The following SEC14L2 variants were observed in gnomAD, a reference collection of about 807,000 sequenced individuals.
SEC14L2 encodes the protein SEC14-like protein 2.
Under a neutral mutation model 56.9 loss-of-function variants are expected in SEC14L2, and 50 were observed. That is an observed-to-expected ratio of 0.88 (90% CI 0.70 to 1.11). The LOEUF is 1.11. SEC14L2 is among the 50% of genes most tolerant of loss of function. The probability of loss-of-function intolerance (pLI) is 0.00; values close to 1 mark genes in which losing one functional copy is unlikely to be tolerated. For synonymous variants in SEC14L2, 179 were observed against 188.5 expected, an observed-to-expected ratio of 0.95 and a Z score of 0.41; for missense variants, 414 against 500.7, an observed-to-expected ratio of 0.83 and a Z score of 1.65.
intron 11 of SEC14L2, among the ~76,000 whole-genome samples, chr22:30,418,448 C>G (rs1934439869): frequency 6.6e-6 from 1 of 152,182 alleles, no homozygotes; most frequent in African/African-American, 2.4e-5. Context: ...AAACCATTTT[C>G]CAGCATCTGC....
intron 4 of SEC14L2, 117 bp downstream of exon 4, chr22:30,407,271 C>CCATT: frequency 7.0e-7 from 1 of 1,435,686 alleles, no homozygotes; most frequent in African/African-American, 1.4e-5. Context: ...CCCACTGAGC[C>CCATT]CTGATGGTCT....
Position 30,407,476 on chromosome 22 carries a change from G to C in SEC14L2, c.296G>C (p.Trp99Ser). The C allele has an allele frequency of 1.2e-6, 2 of 1,614,140 alleles. No individual in the cohort carries two copies. Among genetic ancestry groups the C allele is most frequent in the Non-Finnish European group, 1.7e-6 (2 of 1,180,024 alleles). The part of the protein sequence containing the change: ...CGYDLDGCPV[W>S]YDIIGPLDAK... ...TATGACCTGGATGGCTGCCCAGTCT[G>C]GTACGACATAATTGGACCTCTGGAT... The change falls in exon 5 of 12, where the codon TGG becomes TCG. Residue 99 changes from tryptophan to serine, a missense_variant. Transcript: ENST00000615189.
intron 1 of SEC14L2, 111 bp downstream of exon 1, chr22:30,397,281 G>A (rs887098): frequency 0.28 from 284,410 of 1,028,006 alleles, 39,993 homozygotes; most frequent in Middle Eastern, 0.33. Context: ...GGCGGGCGGC[G>A]GAGGGAACAG....
In SEC14L2 at chr22:30,399,512, T is replaced by G; in HGVS notation, c.55-131T>G. On this transcript the variant is annotated intron_variant, in intron 1 of 11. Coordinates refer to ENST00000615189, the MANE Select transcript of SEC14L2 (RefSeq NM_012429.5). Reference sequence around the variant, plus strand: ...CTGGGCGAGAGTGCGAGACTCTATCTCAAAAAAAAAAAAAAAAAAAAAAAA... The same window carrying G: ...CTGGGCGAGAGTGCGAGACTCTATCGCAAAAAAAAAAAAAAAAAAAAAAAA... 8 of 347,386 alleles carry G rather than the reference T, an allele frequency of 2.3e-5. No homozygotes were observed. In the South Asian group the frequency reaches 2.3e-4, roughly 10 times the overall value. The allele number at this position is 347,386 out of a possible 1,614,324, so 21.5% of individuals were successfully genotyped here. A position where few individuals can be genotyped will look rare whatever the true frequency, so the allele number is the denominator to read the frequency against.
chr22:30,398,635 G>A (rs1933827441), intron 1 of SEC14L2: 3 of 460,962 alleles, frequency 6.5e-6, no homozygotes, highest in African/African-American at 2.0e-5. Flanking sequence ...CTCCACCTGA[G>A]TTGCCCACCT....
In SEC14L2 at chr22:30,416,027, T is replaced by C; in HGVS notation, c.851T>C (p.Ile284Thr). 1 of 1,614,226 alleles carries C rather than the reference T, an allele frequency of 6.2e-7. No individual in the cohort carries two copies. The highest frequency in any genetic ancestry group is 8.5e-7 in the Non-Finnish European group (1 of 1,180,038). ...VKQQYEHSVQ[I>T]SRGSSHQVEY... ...CAGCAGTATGAACACAGCGTGCAGA[T>C]TTCCCGTGGCTCCTCCCACCAAGTG... The change falls in exon 10 of 12, where the codon ATT becomes ACT. Residue 284 changes from isoleucine (I) to threonine (T), a missense_variant. Transcript: ENST00000615189.
intron 7 of SEC14L2, 29 bp downstream of exon 7, chr22:30,409,515 C>T (rs1287039141): frequency 3.1e-6 from 5 of 1,605,836 alleles, no homozygotes; most frequent in Admixed American, 1.7e-5. Flanking sequence ...GTGATAAAGC[C>T]AGATGGAAAA....
intron 2 of SEC14L2, among the ~76,000 whole-genome samples, chr22:30,403,136 A>T (rs1435331430): frequency 6.6e-6 from 1 of 152,148 alleles, no homozygotes; most frequent in African/African-American, 2.4e-5. Flanking sequence ...TCTCTCCTTC[A>T]ATCTGACAAA....
intron 1 of SEC14L2, 112 bp downstream of exon 1, chr22:30,397,282 G>A (rs2145997781): frequency 2.1e-6 from 2 of 970,616 alleles, no homozygotes; most frequent in Admixed American, 6.7e-5. Flanking sequence ...GCGGGCGGCG[G>A]AGGGAACAGA....
Position 30,415,993 on chromosome 22 carries a change from C to T in SEC14L2, c.817C>T (p.Gln273Ter). ...DIPRKYYVRD[Q>*]VKQQYEHSVQ... ...CCCCAGGAAGTATTATGTGCGAGAC[C>T]AGGTGAAACAGCAGTATGAACACAG... The change falls in exon 10 of 12, where the codon CAG becomes TAG. Residue 273 changes from glutamine to a stop codon, truncating the protein, a stop_gained. Transcript: ENST00000615189. LOFTEE classifies it high-confidence loss of function. 1 of 1,614,224 alleles carries T rather than the reference C, an allele frequency of 6.2e-7. No individual in the cohort carries two copies. Among genetic ancestry groups the T allele is most frequent in the Non-Finnish European group, 8.5e-7 (1 of 1,180,048 alleles).
Position 30,422,547 on chromosome 22 carries a change from G to A in SEC14L2, c.*140G>A. ...ACCTCAGGAGCTTTCATTTCAGTTA[G>A]GCAGAGGAAGAGCGACTGCAGTGGG... On this transcript the variant is annotated 3_prime_UTR_variant, in exon 12 of 12. Coordinates refer to ENST00000615189, the MANE Select transcript of SEC14L2 (RefSeq NM_012429.5). 9.3e-7 allele frequency: 1 copy of A among 1,077,814 alleles called. No homozygotes were observed. The highest frequency in any genetic ancestry group is 1.6e-5 in the South Asian group (1 of 62,820). 66.8% of individuals were successfully genotyped at this position (1,077,814 alleles called of 1,614,324 possible).
intron 6 of SEC14L2, 51 bp downstream of exon 6, chr22:30,409,333 T>A (rs1219769092): frequency 8.2e-6 from 13 of 1,583,484 alleles, no homozygotes; most frequent in Middle Eastern, 1.7e-4. Context: ...GGAGGAGGAG[T>A]AGACCCCTCT....
chr22:30,415,423 A>G (rs1934361469), intron 8 of SEC14L2, among the ~76,000 whole-genome samples: 1 of 152,020 alleles, frequency 6.6e-6, no homozygotes, highest in Admixed American at 6.6e-5. Flanking sequence ...ACAGGGTGAG[A>G]CTCTGTCTCA....
chr22:30,404,997 G>A (rs750132707), intron 2 of SEC14L2, among the ~76,000 whole-genome samples: 5 of 151,864 alleles, frequency 3.3e-5, no homozygotes, highest in Non-Finnish European at 7.4e-5. Context: ...TTGAACCCGG[G>A]AGGCAGAGGT....
At position 30,406,390 on chromosome 22, in the gene SEC14L2, G is replaced by C. The variant is rs186052667; in HGVS notation, c.174+5G>C. Reference sequence around the variant, plus strand: ...TCGGAGGCCATGCTCCGGAAGGTGAGACACATTTGGCTGTTGCTTCAGTTC... The same window carrying C: ...TCGGAGGCCATGCTCCGGAAGGTGACACACATTTGGCTGTTGCTTCAGTTC... On this transcript the variant is annotated splice_donor_5th_base_variant and intron_variant, in intron 3 of 11. Transcript: ENST00000615189. The C allele has an allele frequency of 3.7e-6, 6 of 1,614,048 alleles. No individual in the cohort carries two copies. The East Asian group carries it at 1.1e-4, about 30-fold the overall frequency.
chr22:30,406,391 A>G lies in SEC14L2; in HGVS notation c.174+6A>G, dbSNP rs779419325. 5.6e-6 allele frequency: 9 copies of G among 1,614,016 alleles called. No homozygotes were observed. In the South Asian group the frequency reaches 9.9e-5, roughly 18 times the overall value. On this transcript the variant is annotated splice_donor_region_variant and intron_variant, in intron 3 of 11. Coordinates refer to ENST00000615189, the MANE Select transcript of SEC14L2 (RefSeq NM_012429.5). ...CGGAGGCCATGCTCCGGAAGGTGAGACACATTTGGCTGTTGCTTCAGTTCC... is the reference window on the plus strand; with the variant it reads ...CGGAGGCCATGCTCCGGAAGGTGAGGCACATTTGGCTGTTGCTTCAGTTCC...
At chr22:30,412,371 CTT>C (rs80102907) in intron 8 of SEC14L2, among the ~76,000 whole-genome samples, 1 of 147,466 alleles carries the variant, frequency 6.8e-6, no homozygotes. Context: ...AAGGGACCCC[CTT>C]TTTTTTTTTG....
intron 2 of SEC14L2, among the ~76,000 whole-genome samples, chr22:30,403,911 G>A (rs1362447759): frequency 2.7e-5 from 4 of 149,706 alleles, no homozygotes; most frequent in Non-Finnish European, 5.9e-5. Flanking sequence ...GCTGAGGCAG[G>A]AGAATGGCGT....
chr22:30,416,197 G>C (rs757396670), intron 10 of SEC14L2, 37 bp from the exon 11 acceptor site: 3 of 1,609,718 alleles, frequency 1.9e-6, no homozygotes, highest in Non-Finnish European at 1.7e-6. Flanking sequence ...GGCACACACA[G>C]ACAGAATTAT....
Sources: gnomAD v4.1 joint callset for allele counts (sites outside exome capture counted in the v4.1 genomes callset) on GRCh38, gnomAD v4.1.1 for gene constraint, MANE v1.5 for transcripts, NCBI Gene and HGNC (gene_info 2026-07-23, HGNC 2026-07-21) for gene names.